Variants in OTUD5 observed in about 807,000 individuals in gnomAD.
The protein encoded by OTUD5 is OTU deubiquitinase 5, also known as OTU domain-containing protein 5.
In OTUD5, 2 loss-of-function variants were observed where a neutral mutation model predicts 36.3. That is an observed-to-expected ratio of 0.06 (90% CI 0.02 to 0.17). The LOEUF is 0.17. OTUD5 is among the 10% of genes least tolerant of loss of function. The probability of loss-of-function intolerance (pLI) is 1.00; values close to 1 mark genes in which losing one functional copy is unlikely to be tolerated. For missense variants in OTUD5, 233 were observed against 512.3 expected, an observed-to-expected ratio of 0.45 and a Z score of 5.26; for synonymous variants, 234 against 214.9, an observed-to-expected ratio of 1.09 and a Z score of -0.78.
At chrX:48,927,243 A>G (rs1288728856) in intron 5 of OTUD5, among the ~76,000 whole-genome samples, 1 of 111,106 alleles carries the variant, frequency 9.0e-6, no homozygotes, top group Admixed American at 9.6e-5. Flanking sequence ...AACAATCAAC[A>G]CAGGAGACTT....
At chrX:48,957,873 G>A (rs2064285268), upstream of OTUD5, 11 of 712,298 alleles carry the variant, frequency 1.5e-5, no homozygotes, top group Non-Finnish European at 1.8e-5. Context: ...CGCTTGTTCC[G>A]GCCTTCTGCT....
At chrX:48,939,731 T>C (rs1284040264) in intron 2 of OTUD5, among the ~76,000 whole-genome samples, 4 of 112,283 alleles carry the variant, frequency 3.6e-5, no homozygotes, top group African/African-American at 1.3e-4. Flanking sequence ...CTCTCCTCTG[T>C]TGCCCGGGGG....
chrX:48,948,811 A>C (rs1448435302), intron 1 of OTUD5, among the ~76,000 whole-genome samples: 1 of 111,339 alleles, frequency 9.0e-6, no homozygotes, highest in Admixed American at 9.6e-5. Context: ...AACCTTGCAA[A>C]CTCATCGCTG....
At chrX:48,953,232 C>T (rs2064177397) in intron 1 of OTUD5, among the ~76,000 whole-genome samples, 1 of 111,564 alleles carries the variant, frequency 9.0e-6, no homozygotes, top group African/African-American at 3.3e-5. Flanking sequence ...CAGGAAATCC[C>T]ATCGAGCTTG....
At chrX:48,923,773 GGGACCCA>G in intron 7 of OTUD5, 27 bp from the exon 8 acceptor site, 2 of 1,184,854 alleles carry the variant, frequency 1.7e-6, no homozygotes, top group Non-Finnish European at 2.3e-6. Context: ...GTCAAAGGTA[GGGACCCA>G]GGATCCAGGA....
intron 5 of OTUD5, among the ~76,000 whole-genome samples, chrX:48,930,382 G>A (rs2063733518): frequency 8.9e-6 from 1 of 111,945 alleles, no homozygotes; most frequent in Admixed American, 9.5e-5. Context: ...GTTGGAGAGG[G>A]AATTTGCAGA....
At position 48,925,678 on chromosome X, in the gene OTUD5, G is replaced by C. The variant is rs781931791; in HGVS notation, c.1263+169C>G. On this transcript the variant is annotated intron_variant, in intron 6 of 8. Coordinates refer to ENST00000376488, the MANE Select transcript of OTUD5 (RefSeq NM_001136157.2). The stretch of plus-strand genomic sequence containing the variant: ...TGCCTGTTCTGCACAAGTATTTAAA[G>C]TTCCAAGGTACAATGCCAAAACTAA... Among the ~76,000 whole-genome samples, 3 of 112,926 alleles carry C rather than the reference G, an allele frequency of 2.7e-5. No individual in the cohort carries two copies. The Admixed American group carries it at 2.8e-4, about 11-fold the overall frequency.
At chrX:48,949,565 C>G (rs2064095041) in intron 1 of OTUD5, among the ~76,000 whole-genome samples, 1 of 111,662 alleles carries the variant, frequency 9.0e-6, no homozygotes, top group Non-Finnish European at 1.9e-5. Flanking sequence ...GTAATCCCAA[C>G]TACTCAGGAG....
At chrX:48,938,818 G>A (rs782423522) in intron 2 of OTUD5, among the ~76,000 whole-genome samples, 3 of 111,791 alleles carry the variant, frequency 2.7e-5, no homozygotes, top group Non-Finnish European at 5.6e-5. Flanking sequence ...TCCCTGTGGA[G>A]GGGTCTGAGG....
chrX:48,943,216 T>A lies in OTUD5; in HGVS notation c.688+974A>T, dbSNP rs781875115. 4.5e-5 allele frequency among the ~76,000 whole-genome samples: 5 copies of A among 111,619 alleles called. No individual in the cohort carries two copies. The South Asian group carries it at 1.9e-3, about 42-fold the overall frequency. ...AACCACAGGGAGGATCAGGTCACATTCCCAGCTTCCCCTTCACCCTAGCAC... is the reference window on the plus strand; with the variant it reads ...AACCACAGGGAGGATCAGGTCACATACCCAGCTTCCCCTTCACCCTAGCAC... On this transcript the variant is annotated intron_variant, in intron 2 of 8. Transcript: ENST00000376488.
rs2064275166 is a variant in OTUD5, at chrX:48,957,596, C to A, written c.-26G>T. The A allele has an allele frequency of 9.7e-6, 8 of 826,856 alleles. No individual in the cohort carries two copies. The highest frequency in any genetic ancestry group is 1.2e-5 in the Non-Finnish European group (8 of 677,876). The allele number at this position is 826,856 out of a possible 1,213,427, so 68.1% of individuals were successfully genotyped here. On this transcript the variant is annotated 5_prime_UTR_variant, in exon 1 of 9. Transcript: ENST00000376488. Reference sequence around the variant, plus strand: ...GGCTGCACTGCCGAGTACCCCCCAACAAACCCGGCGCGGGGCACGCCGGGA... The same window carrying A: ...GGCTGCACTGCCGAGTACCCCCCAAAAAACCCGGCGCGGGGCACGCCGGGA...
At chrX:48,930,053 G>A (rs935048257) in intron 5 of OTUD5, among the ~76,000 whole-genome samples, 1 of 107,190 alleles carries the variant, frequency 9.3e-6, no homozygotes, top group African/African-American at 3.4e-5. Context: ...GCTGTGAGCC[G>A]AGATCACGCC....
intron 1 of OTUD5, among the ~76,000 whole-genome samples, chrX:48,956,738 T>G (rs1468674926): frequency 9.0e-6 from 1 of 111,225 alleles, no homozygotes; most frequent in Non-Finnish European, 1.9e-5. Context: ...ATGACGACTA[T>G]AGACCTTAAA....
intron 8 of OTUD5, 145 bp from the exon 9 acceptor site, chrX:48,923,440 G>T: frequency 1.7e-6 from 1 of 577,247 alleles, no homozygotes; most frequent in Admixed American, 3.1e-5. Context: ...TGCTAGGCCT[G>T]TGAAACCCCA....
rs781905691 is a variant in OTUD5 at position 48,950,537 on chromosome X, CT to C, written c.595-6255del. ...TGTGACAGAATAAACTTCTCTCTCT[CT>C]TTTTTTTTTTTTTTTTTTTTTTGAG... On this transcript the variant is annotated intron_variant, in intron 1 of 8. Transcript: ENST00000376488. 6.7e-3 allele frequency among the ~76,000 whole-genome samples: 555 copies of C among 83,069 alleles called. 6 individuals are homozygous for C. The highest frequency in any genetic ancestry group is 0.021 in the African/African-American group (464 of 21,864). 72.1% of individuals were successfully genotyped at this position (83,069 alleles called of 115,157 possible).
chrX:48,925,583 TTG>T (rs2063653913), intron 6 of OTUD5, among the ~76,000 whole-genome samples: 1 of 112,027 alleles, frequency 8.9e-6, no homozygotes, highest in Admixed American at 9.5e-5. Context: ...CAACAAAAGC[TTG>T]TGTCTCTGAA....
chrX:48,955,761 G>A lies in OTUD5; in HGVS notation c.594+1216C>T, dbSNP rs782599564. On this transcript the variant is annotated intron_variant, in intron 1 of 8. Transcript: ENST00000376488. ...AACCCCTGTTACAGAGGGGAAAATGGGATACTGTATCCCCAAGGTATGTTT... is the reference window on the plus strand; with the variant it reads ...AACCCCTGTTACAGAGGGGAAAATGAGATACTGTATCCCCAAGGTATGTTT... 2.2e-4 allele frequency among the ~76,000 whole-genome samples: 25 copies of A among 111,249 alleles called. No individual in the cohort carries two copies. In the South Asian group the frequency reaches 9.5e-3, roughly 42 times the overall value.
chrX:48,944,212 G>A lies in OTUD5; in HGVS notation c.666C>T (p.Gly222=), dbSNP rs782441373. Residue 222 remains glycine (G), a synonymous_variant, in exon 2 of 9, where the codon GGC becomes GGT. Transcript: ENST00000376488. ...CACCTACAGCCCGGAAGAGACAGGC[G>A]CCATCCTCCTTCATCTGCTTGATGA... ...GFIIKQMKED[G]ACLFRAVADQ... 2.5e-5 allele frequency: 30 copies of A among 1,201,472 alleles called. No individual in the cohort carries two copies. The highest frequency in any genetic ancestry group is 3.3e-5 in the Non-Finnish European group (29 of 889,473).
chrX:48,950,540 T>C (rs2064119953), intron 1 of OTUD5, among the ~76,000 whole-genome samples: 2 of 90,584 alleles, frequency 2.2e-5, no homozygotes, highest in African/African-American at 8.2e-5. Context: ...TCTCTCTCTT[T>C]TTTTTTTTTT....
Sources: gnomAD v4.1 joint callset for allele counts (sites outside exome capture counted in the v4.1 genomes callset) on GRCh38, gnomAD v4.1.1 for gene constraint, MANE v1.5 for transcripts, NCBI Gene and HGNC (gene_info 2026-07-23, HGNC 2026-07-21) for gene names.